The following GLP2R variants were observed in gnomAD, a reference collection of about 807,000 sequenced individuals.
GLP2R encodes the protein glucagon-like peptide 2 receptor.
Under a neutral mutation model 68.2 loss-of-function variants are expected in GLP2R, and 59 were observed. The observed-to-expected ratio is 0.87, with a 90% CI of 0.70 to 1.07. The LOEUF is 1.07. Among genes scored for constraint, GLP2R ranks in the 50% least tolerant of loss-of-function variants. GLP2R has a pLI of 0.00. For missense variants in GLP2R, 548 were observed against 677.4 expected (o/e 0.81, Z 2.12); for synonymous variants, 270 against 265.4 (o/e 1.02, Z -0.17).
intron 3 of GLP2R, among the ~76,000 whole-genome samples, chr17:9,836,911 G>A (rs377585494): frequency 1.3e-4 from 20 of 151,972 alleles, no homozygotes; most frequent in East Asian, 5.8e-4. Flanking sequence ...GTGTGGTGGC[G>A]CGATCTCAGC....
intron 12 of GLP2R, among the ~76,000 whole-genome samples, chr17:9,888,489 C>CA (rs1391492859): frequency 6.6e-6 from 1 of 152,078 alleles, no homozygotes; most frequent in Non-Finnish European, 1.5e-5. Context: ...TTTTTTGAGA[C>CA]AGAGTCTCAC....
At position 9,880,484 on chromosome 17, in the gene GLP2R, CTT is replaced by C; in HGVS notation, c.1255_1256del (p.Phe419HisfsTer27). 6.2e-7 allele frequency: 1 copy of C among 1,605,484 alleles called. No individual in the cohort carries two copies. Among genetic ancestry groups the C allele is most frequent in the East Asian group, 2.2e-5 (1 of 44,714 alleles). The stretch of plus-strand genomic sequence containing the variant: ...TGAAGGATTTGCAAAACTTATACGA[CTT>C]TTCATTCAGTTGACACTGAGCTCCT... ...QVEGFAKLIRLFIQLTLSSFH... is the reference protein window; with the variant it reads ...QVEGFAKLIRXFIQLTLSSFH... On this transcript the variant is annotated frameshift_variant, in exon 11 of 13. Coordinates refer to ENST00000262441, the MANE Select transcript of GLP2R (RefSeq NM_004246.3). LOFTEE classifies it high-confidence loss of function.
rs1360196310 is a variant in GLP2R, at chr17:9,877,241, G to T, written c.1146-3137G>T. ...ATGGAACCATTTAAATAAACAAAAG[G>T]TTATGGATGAAAATGAGCATAAACA... On this transcript the variant is annotated intron_variant, in intron 10 of 12. Transcript: ENST00000262441. Among the ~76,000 whole-genome samples, 3 of 152,198 alleles carry T rather than the reference G, an allele frequency of 2.0e-5. No homozygotes were observed. In the East Asian group the frequency reaches 5.8e-4, roughly 29 times the overall value.
At position 9,891,591 on chromosome 17, in the gene GLP2R, G is replaced by T. The variant is rs1259093489; in HGVS notation, c.*1886G>T. 1 of 152,014 alleles carries T rather than the reference G, an allele frequency of 6.6e-6. No individual in the cohort carries two copies. 9.4% of individuals were successfully genotyped at this position (152,014 alleles called of 1,614,324 possible). A position where few individuals can be genotyped will look rare whatever the true frequency, so the allele number is the denominator to read the frequency against. On this transcript the variant is annotated 3_prime_UTR_variant, in exon 13 of 13. Transcript: ENST00000262441. ...ATTTATATTGACTATGGGGACTTTT[G>T]GGGCCCCCTTAAATTTTGCACTTGA...
At position 9,870,800 on chromosome 17, in the gene GLP2R, A is replaced by G; in HGVS notation, c.1110A>G (p.Lys370=). The change falls in exon 10 of 13, where the codon AAA becomes AAG. Residue 370 remains lysine, a synonymous_variant. Transcript: ENST00000262441. ...KILKLLISKL[K]AHQMCFRDYK... ...TCAAGCTTCTCATTTCTAAGCTCAA[A>G]GCTCATCAAATGTGCTTCAGAGATT... The G allele has an allele frequency of 6.3e-7, 1 of 1,579,738 alleles. No individual in the cohort carries two copies. The highest frequency in any genetic ancestry group is 8.7e-7 in the Non-Finnish European group (1 of 1,148,574).
Position 9,847,808 on chromosome 17 carries a change from C to T in GLP2R, c.504+5192C>T, listed in dbSNP as rs567846737. On this transcript the variant is annotated intron_variant, in intron 4 of 12. Coordinates refer to ENST00000262441, the MANE Select transcript of GLP2R (RefSeq NM_004246.3). Reference sequence around the variant, plus strand: ...GAGCCATCTGGTTCGGGCTCTGTTCCTTCAGAGCCTCGTGGGTGTTGGCAT... The same window carrying T: ...GAGCCATCTGGTTCGGGCTCTGTTCTTTCAGAGCCTCGTGGGTGTTGGCAT... 2.0e-5 allele frequency among the ~76,000 whole-genome samples: 3 copies of T among 152,290 alleles called. No homozygotes were observed. The South Asian group carries it at 6.2e-4, about 32-fold the overall frequency.
At position 9,880,467 on chromosome 17, in the gene GLP2R, T is replaced by C. The variant is rs560689955; in HGVS notation, c.1235T>C (p.Phe412Ser). ...ATCACTGATGATCAAGTTGAAGGAT[T>C]TGCAAAACTTATACGACTTTTCATT... is the stretch of plus-strand genomic sequence containing the variant. ...SFITDDQVEG[F>S]AKLIRLFIQL... Residue 412 changes from phenylalanine (F) to serine (S), a missense_variant, in exon 11 of 13, where the codon TTT (phenylalanine) becomes TCT (serine). Coordinates refer to ENST00000262441, the MANE Select transcript of GLP2R (RefSeq NM_004246.3). 11 of 1,605,734 alleles carry C rather than the reference T, an allele frequency of 6.9e-6. No homozygotes were observed. The highest frequency in any genetic ancestry group is 9.4e-6 in the Non-Finnish European group (11 of 1,174,286).
intron 4 of GLP2R, 150 bp from the exon 5 acceptor site, chr17:9,854,345 A>G (rs963352646): frequency 3.0e-6 from 2 of 666,396 alleles, no homozygotes; most frequent in African/African-American, 1.8e-5. Context: ...AAACTACCCT[A>G]TTTGGGTGTC....
chr17:9,878,289 A>C (rs1315074423), intron 10 of GLP2R, among the ~76,000 whole-genome samples: 1 of 152,208 alleles, frequency 6.6e-6, no homozygotes, highest in Non-Finnish European at 1.5e-5. Flanking sequence ...AGAAGCCAGA[A>C]ACCTGGACAC....
intron 4 of GLP2R, among the ~76,000 whole-genome samples, 169 bp downstream of exon 4, chr17:9,842,785 G>A (rs1244468605): frequency 6.6e-6 from 1 of 152,178 alleles, no homozygotes; most frequent in East Asian, 1.9e-4. Flanking sequence ...TGGCGGCCAT[G>A]GAATTTCTTC....
intron 10 of GLP2R, among the ~76,000 whole-genome samples, chr17:9,875,938 C>T (rs914954402): frequency 2.6e-5 from 4 of 152,218 alleles, no homozygotes; most frequent in African/African-American, 7.2e-5. Context: ...AATGCAATGG[C>T]ACGATCTTGG....
chr17:9,889,183 G>A (rs1023863922), intron 12 of GLP2R, among the ~76,000 whole-genome samples, 187 bp from the exon 13 acceptor site: 4 of 152,156 alleles, frequency 2.6e-5, no homozygotes, highest in Non-Finnish European at 5.9e-5. Flanking sequence ...GTATTGTCCT[G>A]CTTAGTACTC....
chr17:9,871,944 C>T (rs2067098510), intron 10 of GLP2R, among the ~76,000 whole-genome samples: 1 of 152,098 alleles, frequency 6.6e-6, no homozygotes, highest in Non-Finnish European at 1.5e-5. Context: ...AGGCTGATCT[C>T]AAACTCCTGA....
At position 9,842,514 on chromosome 17, in the gene GLP2R, C is replaced by G; in HGVS notation, c.402C>G (p.Tyr134Ter). Residue 134 changes from tyrosine (Y) to a stop codon, truncating the protein, a stop_gained, in exon 4 of 13, where the codon TAC (tyrosine) becomes TAG (stop). Coordinates refer to ENST00000262441, the MANE Select transcript of GLP2R (RefSeq NM_004246.3). LOFTEE classifies it high-confidence loss of function. ...TTTCAGAGAGCTCAGGAAGGGCCTA[C>G]AGACACTGCTTGGCTCAGGGGACTT... Reference protein sequence around the residue: ...WWSEESSGRAYRHCLAQGTWQ... With the variant: ...WWSEESSGRA The G allele has an allele frequency of 6.2e-7, 1 of 1,614,186 alleles. No individual in the cohort carries two copies.
rs74937406 is a variant in GLP2R, at chr17:9,867,457, C to T, written c.1057-3290C>T. Among the ~76,000 whole-genome samples the T allele has an allele frequency of 5.6e-4, 85 of 152,348 alleles. 1 individual carries two copies. In the East Asian group the frequency reaches 0.011, roughly 20 times the overall value. On this transcript the variant is annotated intron_variant, in intron 9 of 12. Transcript: ENST00000262441. ...TGTGGCAACCTGAAGAATCCAGATG[C>T]CCTTTGGGTCTCTTGCCAGGCAGAA...
chr17:9,861,157 T>G lies in GLP2R; in HGVS notation c.944T>G (p.Val315Gly), dbSNP rs1364057585. 3 of 1,613,692 alleles carry G rather than the reference T, an allele frequency of 1.9e-6. No individual in the cohort carries two copies. The highest frequency in any genetic ancestry group is 2.5e-6 in the Non-Finnish European group (3 of 1,179,774). ...LLGWAFPVLF[V>G]VPWGFARAHL... ...TCCCCAGCCTTCCCTGTGCTATTTG[T>G]TGTACCCTGGGGTTTCGCCCGTGCA... The change falls in exon 8 of 13, where the codon GTT becomes GGT. Residue 315 changes from valine to glycine, a missense_variant. By Grantham distance (109) the Val-to-Gly change is moderately radical. Transcript: ENST00000262441.
intron 4 of GLP2R, among the ~76,000 whole-genome samples, chr17:9,842,872 C>G (rs1178642154): frequency 6.6e-6 from 1 of 152,196 alleles, no homozygotes; most frequent in Admixed American, 6.5e-5. Flanking sequence ...GCTTGCTGTT[C>G]CCCGTGCCTG....
intron 11 of GLP2R, among the ~76,000 whole-genome samples, chr17:9,883,045 C>T (rs2067211639): frequency 6.8e-6 from 1 of 147,982 alleles, no homozygotes; most frequent in Non-Finnish European, 1.5e-5. Flanking sequence ...TAGGGGATGT[C>T]TAGATGTTGG....
chr17:9,884,414 G>A (rs941613113), intron 11 of GLP2R, among the ~76,000 whole-genome samples: 1 of 152,160 alleles, frequency 6.6e-6, no homozygotes, highest in Non-Finnish European at 1.5e-5. Flanking sequence ...TATCAGAGAT[G>A]AGGTTTTTAT....
Sources: allele counts gnomAD v4.1 joint callset (sites outside exome capture counted in the v4.1 genomes callset), GRCh38; gene constraint gnomAD v4.1.1; transcripts MANE v1.5; gene names NCBI Gene and HGNC (gene_info 2026-07-23, HGNC 2026-07-21).